Variants in CYP19A1 observed in about 807,000 individuals in gnomAD.
CYP19A1 encodes cytochrome P450 family 19 subfamily A member 1.
In CYP19A1, 32 loss-of-function variants were observed where a neutral mutation model predicts 44.4. The observed-to-expected ratio is 0.72, with a 90% confidence interval of 0.54 to 0.97. The LOEUF is 0.97. Ranked by LOEUF, CYP19A1 falls within the 50% of genes least tolerant of loss-of-function variation. CYP19A1 has a pLI of 0.00. For synonymous variants in CYP19A1, 212 were observed against 215.6 expected (o/e 0.98, Z 0.14); for missense variants, 598 against 637.8 (o/e 0.94, Z 0.67).
chr15:51,332,145 G>T (rs1023742534), intron 1 of CYP19A1, among the ~76,000 whole-genome samples: 16 of 151,992 alleles, frequency 1.1e-4, no homozygotes, highest in African/African-American at 2.9e-4. Context: ...TCAAGTTTCT[G>T]TTCAATTATT....
intron 2 of CYP19A1, among the ~76,000 whole-genome samples, chr15:51,241,340 G>A (rs1236862994): frequency 2.0e-5 from 3 of 152,168 alleles, no homozygotes; most frequent in Non-Finnish European, 4.4e-5. Flanking sequence ...CAGGAGCAGG[G>A]TCCAGGAACA....
intron 1 of CYP19A1, among the ~76,000 whole-genome samples, chr15:51,253,967 A>G (rs2034421192): frequency 6.6e-6 from 1 of 152,194 alleles, no homozygotes; most frequent in Admixed American, 6.5e-5. Context: ...GAGTGCATAA[A>G]GCAGTTGGGG....
At chr15:51,334,554 A>G (rs1352922703) in intron 1 of CYP19A1, among the ~76,000 whole-genome samples, 3 of 152,234 alleles carry the variant, frequency 2.0e-5, no homozygotes, top group African/African-American at 7.2e-5. Flanking sequence ...AGCCATTCTC[A>G]TGATTGCACA....
At chr15:51,332,279 A>G (rs975632431) in intron 1 of CYP19A1, among the ~76,000 whole-genome samples, 3 of 151,996 alleles carry the variant, frequency 2.0e-5, no homozygotes, top group Admixed American at 1.3e-4. Flanking sequence ...GAGTCCAACT[A>G]TTTCCCCAGA....
At chr15:51,292,639 A>C (rs1320068192) in intron 1 of CYP19A1, among the ~76,000 whole-genome samples, 1 of 152,158 alleles carries the variant, frequency 6.6e-6, no homozygotes, top group African/African-American at 2.4e-5. Flanking sequence ...AGCTTCCTTC[A>C]CTTGCACGGG....
At chr15:51,260,229 G>C (rs1205306667) in intron 1 of CYP19A1, among the ~76,000 whole-genome samples, 1 of 152,198 alleles carries the variant, frequency 6.6e-6, no homozygotes, top group East Asian at 1.9e-4. Context: ...TGTTTTCCCA[G>C]AAATACTGGT....
At chr15:51,259,436 G>A (rs1879544188) in intron 1 of CYP19A1, among the ~76,000 whole-genome samples, 1 of 152,200 alleles carries the variant, frequency 6.6e-6, no homozygotes, top group Non-Finnish European at 1.5e-5. Context: ...TTGGGGGAGT[G>A]AATCGGACAC....
At chr15:51,302,385 C>A (rs2036133079) in intron 1 of CYP19A1, among the ~76,000 whole-genome samples, 1 of 152,238 alleles carries the variant, frequency 6.6e-6, no homozygotes, top group South Asian at 2.1e-4. Flanking sequence ...CTGCGAATCA[C>A]AGACTCATAG....
rs1392887607 is a variant in CYP19A1, at chr15:51,209,889, T to C, written c.*919A>G. ...CTTTTCCTCCCCCAATCACTGAAGC[T>C]GTAGTAAGAGCAAATCAATGTCACA... On this transcript the variant is annotated 3_prime_UTR_variant, in exon 10 of 10. Transcript: ENST00000396402. The C allele has an allele frequency of 6.2e-6, 1 of 161,918 alleles. No individual in the cohort carries two copies. The highest frequency in any genetic ancestry group is 1.8e-4 in the East Asian group (1 of 5,428). The allele number at this position is 161,918 out of a possible 1,614,324, so 10.0% of individuals were successfully genotyped here. A position where few individuals can be genotyped will look rare whatever the true frequency, so the allele number is the denominator to read the frequency against.
chr15:51,211,783 C>T (rs577053172), intron 9 of CYP19A1: 7 of 334,182 alleles, frequency 2.1e-5, no homozygotes, highest in African/African-American at 8.7e-5. Context: ...ATCTGTAGTA[C>T]ACATCAATTA....
At position 51,212,539 on chromosome 15, in the gene CYP19A1, A is replaced by G. The variant is rs1231865115; in HGVS notation, c.1044T>C (p.Asp348=). 2 of 1,487,788 alleles carry G rather than the reference A, an allele frequency of 1.3e-6. No individual in the cohort carries two copies. The highest frequency in any genetic ancestry group is 1.9e-6 in the Non-Finnish European group (2 of 1,064,724). The allele number at this position is 1,487,788 out of a possible 1,614,324, so 92.2% of individuals were successfully genotyped here. ...TVIGERDIKI[D]DIQKLKVMEN... is the part of the protein sequence containing the mutation. ...CCATCACTTTTAATTTTTGTATATC[A>G]TCAATCTTTATGTCTCTCTCACCTG... is the stretch of plus-strand genomic sequence containing the variant. The change falls in exon 9 of 10, where the codon GAT becomes GAC. Residue 348 remains aspartate (D), a synonymous_variant. Coordinates refer to ENST00000396402, the MANE Select transcript of CYP19A1 (RefSeq NM_000103.4).
At chr15:51,288,347 G>A (rs983605661) in intron 1 of CYP19A1, among the ~76,000 whole-genome samples, 2 of 151,892 alleles carry the variant, frequency 1.3e-5, no homozygotes, top group Non-Finnish European at 2.9e-5. Context: ...GCAACTCACC[G>A]CCCACCCCCC....
chr15:51,282,751 G>T (rs1235462419), intron 1 of CYP19A1, among the ~76,000 whole-genome samples: 1 of 152,244 alleles, frequency 6.6e-6, no homozygotes, highest in Admixed American at 6.5e-5. Flanking sequence ...GCATGTGAAA[G>T]CAGGGGATGC....
chr15:51,233,771 A>G (rs2033199007), intron 3 of CYP19A1, among the ~76,000 whole-genome samples: 1 of 152,150 alleles, frequency 6.6e-6, no homozygotes, highest in South Asian at 2.1e-4. Context: ...TGTATTCATG[A>G]CAAAAACTAA....
At chr15:51,338,270 T>C (rs1424108793) in intron 1 of CYP19A1, among the ~76,000 whole-genome samples, 1 of 152,142 alleles carries the variant, frequency 6.6e-6, no homozygotes, top group East Asian at 1.9e-4. Context: ...TCTTAGGCCC[T>C]CCTATTTCAG....
chr15:51,267,260 G>C (rs2034954155), intron 1 of CYP19A1, among the ~76,000 whole-genome samples: 2 of 152,136 alleles, frequency 1.3e-5, no homozygotes, highest in South Asian at 4.1e-4. Flanking sequence ...GGGGTGCGGC[G>C]AGCGGTCTCC....
intron 1 of CYP19A1, among the ~76,000 whole-genome samples, chr15:51,327,856 A>C (rs2036636562): frequency 6.6e-6 from 1 of 151,442 alleles, no homozygotes; most frequent in Non-Finnish European, 1.5e-5. Context: ...ACCTACACAT[A>C]AAATTTCCTC....
At chr15:51,330,144 G>A (rs952338609) in intron 1 of CYP19A1, among the ~76,000 whole-genome samples, 4 of 152,172 alleles carry the variant, frequency 2.6e-5, no homozygotes, top group Admixed American at 1.3e-4. Context: ...GCACAAGGGC[G>A]GAATGGTGAG....
At chr15:51,259,112 T>C (rs1425261126) in intron 1 of CYP19A1, among the ~76,000 whole-genome samples, 1 of 152,178 alleles carries the variant, frequency 6.6e-6, no homozygotes, top group Non-Finnish European at 1.5e-5. Context: ...CCATTCAGGA[T>C]ATGATACGTC....
Sources: allele counts gnomAD v4.1 joint callset (sites outside exome capture counted in the v4.1 genomes callset), GRCh38; gene constraint gnomAD v4.1.1; transcripts MANE v1.5; gene names NCBI Gene and HGNC (gene_info 2026-07-23, HGNC 2026-07-21).